The following SLC9A1 variants were observed in gnomAD, a reference collection of about 807,000 sequenced individuals.
The protein encoded by SLC9A1 is sodium/hydrogen exchanger 1.
A neutral mutation model predicts 67.9 loss-of-function variants in SLC9A1; 22 were observed. The ratio of observed to expected loss-of-function variants is 0.32; its 90% CI spans 0.23 to 0.46. The LOEUF (loss-of-function observed/expected upper bound fraction) is 0.46. Ranked by LOEUF, SLC9A1 falls within the 20% of genes least tolerant of loss-of-function variation. The pLI is 1.00. For missense variants in SLC9A1, 686 were observed against 1,094.8 expected, an observed-to-expected ratio of 0.63 and a Z score of 5.27; for synonymous variants, 421 against 471.8, an observed-to-expected ratio of 0.89 and a Z score of 1.40.
chr1:27,125,055 C>T lies in SLC9A1; in HGVS notation c.353-10769G>A, dbSNP rs774728306. ...GTTGTCCTAACTCCTTTCTTCCTCT[C>T]ACTCCTGACATCCAATCCATCACCA... On this transcript the variant is annotated intron_variant, in intron 1 of 11. Coordinates refer to ENST00000263980, the MANE Select transcript of SLC9A1 (RefSeq NM_003047.5). Among the ~76,000 whole-genome samples, 95 of 151,968 alleles carry T rather than the reference C, an allele frequency of 6.3e-4. 1 individual carries two copies. The highest frequency in any genetic ancestry group is 1.3e-3 in the Non-Finnish European group (89 of 68,012).
At chr1:27,119,151 T>C (rs2083290387) in intron 1 of SLC9A1, among the ~76,000 whole-genome samples, 1 of 151,992 alleles carries the variant, frequency 6.6e-6, no homozygotes, top group South Asian at 2.1e-4. Context: ...CTGCGGCTGC[T>C]CTGCACCACA....
chr1:27,132,536 T>A (rs2124188171), intron 1 of SLC9A1, among the ~76,000 whole-genome samples: 1 of 152,142 alleles, frequency 6.6e-6, no homozygotes, highest in African/African-American at 2.4e-5. Flanking sequence ...TCTTTATTTT[T>A]AAAATGAAGA....
chr1:27,128,352 G>A (rs2083359725), intron 1 of SLC9A1, among the ~76,000 whole-genome samples: 1 of 152,084 alleles, frequency 6.6e-6, no homozygotes, highest in Non-Finnish European at 1.5e-5. Context: ...TCAGAAAAAA[G>A]CAAAAACAAA....
At position 27,114,276 on chromosome 1, in the gene SLC9A1, C is replaced by T. The variant is rs750210992; in HGVS notation, c.363G>A (p.Val121=). The change falls in exon 2 of 12, where the codon GTG becomes GTA. Residue 121 remains valine, a synonymous_variant. Transcript: ENST00000263980. This position sits in a 1 kb window ranked among gnomAD's most constrained non-coding sequence, Gnocchi z 5.4. ...LACLMKIGFH[V]IPTISSIVPE... ...GGACGATGCTTGAGATAGTGGGGAT[C>T]ACATGGAAACCTGCGGAGGGCGAGA... The T allele has an allele frequency of 8.1e-6, 13 of 1,608,446 alleles. No homozygotes were observed.
At chr1:27,122,176 T>C (rs1370286215) in intron 1 of SLC9A1, among the ~76,000 whole-genome samples, 2 of 152,056 alleles carry the variant, frequency 1.3e-5, no homozygotes, top group East Asian at 1.9e-4. Flanking sequence ...CTGGGAAGCC[T>C]TCCTGGAGCC....
At chr1:27,146,876 C>A (rs528448284) in intron 1 of SLC9A1, among the ~76,000 whole-genome samples, 1 of 152,336 alleles carries the variant, frequency 6.6e-6, no homozygotes, top group Admixed American at 6.5e-5. Context: ...TGGCTCATGT[C>A]TGTAATCCCA....
intron 1 of SLC9A1, among the ~76,000 whole-genome samples, chr1:27,128,695 T>G (rs1265976103): frequency 6.7e-6 from 1 of 149,430 alleles, no homozygotes; most frequent in Non-Finnish European, 1.5e-5. Context: ...TGGTGGCTCA[T>G]GCCTATAATC....
rs2083216213 is a variant in SLC9A1 at position 27,109,866 on chromosome 1, C to T, written c.814-89G>A. 6.8e-7 allele frequency: 1 copy of T among 1,462,632 alleles called. No homozygotes were observed. Among genetic ancestry groups the T allele is most frequent in the South Asian group, 1.2e-5 (1 of 81,220 alleles). 90.6% of individuals were successfully genotyped at this position (1,462,632 alleles called of 1,614,324 possible). Reference sequence around the variant, plus strand: ...TCCACCCAGGGCAATCCTGTCCCCTCCGTTAACCATGGCCACAAGAAGAGG... The same window carrying T: ...TCCACCCAGGGCAATCCTGTCCCCTTCGTTAACCATGGCCACAAGAAGAGG... On this transcript the variant is annotated intron_variant, in intron 2 of 11. Transcript: ENST00000263980. This position sits in a 1 kb window ranked among gnomAD's most constrained non-coding sequence, Gnocchi z 5.5.
intron 1 of SLC9A1, among the ~76,000 whole-genome samples, chr1:27,119,231 C>A (rs1326505743): frequency 6.6e-6 from 1 of 152,180 alleles, no homozygotes; most frequent in Non-Finnish European, 1.5e-5. Flanking sequence ...GCAGGCAAGG[C>A]TGTCCGACAT....
intron 1 of SLC9A1, among the ~76,000 whole-genome samples, chr1:27,116,309 G>A (rs2083271937): frequency 6.6e-6 from 1 of 151,984 alleles, no homozygotes; most frequent in African/African-American, 2.4e-5. Flanking sequence ...GCAGTGAGCC[G>A]AGATCACGCC....
intron 5 of SLC9A1, among the ~76,000 whole-genome samples, chr1:27,104,768 G>A (rs1455326925): frequency 1.3e-5 from 2 of 152,122 alleles, no homozygotes; most frequent in Non-Finnish European, 2.9e-5. Flanking sequence ...ATGCAAAGAT[G>A]TATCCCATCT....
intron 1 of SLC9A1, among the ~76,000 whole-genome samples, chr1:27,133,740 G>T (rs2124190197): frequency 6.6e-6 from 1 of 152,158 alleles, no homozygotes; most frequent in South Asian, 2.1e-4. Flanking sequence ...CTAGGGAAGG[G>T]GAGAGAAGAA....
chr1:27,146,003 T>C (rs2083482744), intron 1 of SLC9A1, among the ~76,000 whole-genome samples: 1 of 152,242 alleles, frequency 6.6e-6, no homozygotes, highest in South Asian at 2.1e-4. Context: ...AAAGTATCAG[T>C]TGATGTTTAT....
chr1:27,150,873 T>A (rs2083521889), intron 1 of SLC9A1, among the ~76,000 whole-genome samples: 2 of 152,104 alleles, frequency 1.3e-5, no homozygotes, highest in South Asian at 4.2e-4. Context: ...ATAGGAGGGG[T>A]AACCTGCAAG....
chr1:27,125,619 G>A (rs549785347), intron 1 of SLC9A1, among the ~76,000 whole-genome samples: 1 of 135,094 alleles, frequency 7.4e-6, no homozygotes, highest in East Asian at 2.3e-4. Flanking sequence ...TTTTTGAGAC[G>A]GAGTCCCACT....
chr1:27,140,906 C>A (rs958340944), intron 1 of SLC9A1, among the ~76,000 whole-genome samples: 2 of 152,070 alleles, frequency 1.3e-5, no homozygotes, highest in African/African-American at 4.8e-5. Flanking sequence ...CTATATGACA[C>A]CAGGCGGGTC....
intron 1 of SLC9A1, among the ~76,000 whole-genome samples, chr1:27,124,363 G>A (rs2083326553): frequency 6.6e-6 from 1 of 152,114 alleles, no homozygotes; most frequent in South Asian, 2.1e-4. Flanking sequence ...TCTTAGTATT[G>A]CTTCCAGTTG....
In SLC9A1 at chr1:27,114,110, G is replaced by A; in HGVS notation, c.529C>T (p.Leu177=). 6.2e-7 allele frequency: 1 copy of A among 1,614,192 alleles called. No homozygotes were observed. The change falls in exon 2 of 12, where the codon CTG becomes TTG. Residue 177 remains leucine, a synonymous_variant. Transcript: ENST00000263980. This position sits in a 1 kb window ranked among gnomAD's most constrained non-coding sequence, Gnocchi z 5.4. The part of the protein sequence containing the change: ...PPIILDAGYF[L]PLRQFTENLG... ...TTTTCTGTGAACTGCCGCAGTGGCA[G>A]GAAGTAGCCCGCATCCAGGATGATG...
rs749782713 is a variant in SLC9A1, at chr1:27,106,138, C to A, written c.1283-51G>T. The A allele has an allele frequency of 6.6e-6, 8 of 1,217,922 alleles. No homozygotes were observed. Among genetic ancestry groups the A allele is most frequent in the Non-Finnish European group, 9.6e-6 (8 of 833,984 alleles). 75.4% of individuals were successfully genotyped at this position (1,217,922 alleles called of 1,614,324 possible). A position where few individuals can be genotyped will look rare whatever the true frequency, so the allele number is the denominator to read the frequency against. The stretch of plus-strand genomic sequence containing the variant: ...AGGGTCAGGTCGGGCTGTCCCCAGT[C>A]CCTCCTGGATTCTGCATCAGTGATT... On this transcript the variant is annotated intron_variant, in intron 4 of 11. Coordinates refer to ENST00000263980, the MANE Select transcript of SLC9A1 (RefSeq NM_003047.5). The surrounding 1 kb of genome is among the most constrained non-coding windows in gnomAD (Gnocchi z 4.3).
Sources: allele counts gnomAD v4.1 joint callset (sites outside exome capture counted in the v4.1 genomes callset), GRCh38; gene constraint gnomAD v4.1.1; non-coding constraint Gnocchi (gnomAD v3.1); transcripts MANE v1.5; gene names NCBI Gene and HGNC (gene_info 2026-07-23, HGNC 2026-07-21).